Variants in TGFB2 observed in about 807,000 individuals in gnomAD.
TGFB2 encodes transforming growth factor beta-2 proprotein.
In TGFB2, 13 loss-of-function variants were observed where a neutral mutation model predicts 42.7. That is an observed-to-expected ratio of 0.30 (90% confidence interval 0.20 to 0.48). TGFB2 has a LOEUF of 0.48. TGFB2 is among the 20% of genes least tolerant of loss of function. The pLI is 0.99. For missense variants in TGFB2, 390 were observed against 517.5 expected (o/e 0.75, Z 2.39); for synonymous variants, 193 against 193.6 (o/e 1.00, Z 0.03).
At chr1:218,405,365 T>A (rs965095999) in intron 2 of TGFB2, 33 bp downstream of exon 2, 1 of 1,611,870 alleles carries the variant, frequency 6.2e-7, no homozygotes, top group Admixed American at 1.7e-5. Flanking sequence ...GTTGTTGTTG[T>A]TGTTGTTGTT....
intron 2 of TGFB2, among the ~76,000 whole-genome samples, chr1:218,428,177 G>A (rs1185187401): frequency 6.6e-6 from 1 of 152,072 alleles, no homozygotes; most frequent in South Asian, 2.1e-4. Flanking sequence ...TTTTTGATGG[G>A]GTTGTTTGAT....
rs561618783 is a variant in TGFB2, at chr1:218,374,017, T to G, written c.346+26970T>G. 4.2e-4 allele frequency among the ~76,000 whole-genome samples: 64 copies of G among 152,352 alleles called. 1 individual carries two copies. The highest frequency in any genetic ancestry group is 1.4e-3 in the African/African-American group (60 of 41,590). ...TCATTAGAAGAATGAAAATAGCTTCTTATGTGAATCTATATGGAGGATGAG... is the reference window on the plus strand; with the variant it reads ...TCATTAGAAGAATGAAAATAGCTTCGTATGTGAATCTATATGGAGGATGAG... On this transcript the variant is annotated intron_variant, in intron 1 of 6. Transcript: ENST00000366930.
intron 2 of TGFB2, among the ~76,000 whole-genome samples, chr1:218,406,554 C>T (rs1658917845): frequency 6.6e-6 from 1 of 151,970 alleles, no homozygotes; most frequent in Admixed American, 6.6e-5. Flanking sequence ...TGTAAACAGG[C>T]AACTTAAATA....
At chr1:218,427,482 C>G (rs890828854) in intron 2 of TGFB2, among the ~76,000 whole-genome samples, 1 of 152,154 alleles carries the variant, frequency 6.6e-6, no homozygotes, top group African/African-American at 2.4e-5. Context: ...TATCCCTCCC[C>G]TCTCCCCCCA....
chr1:218,375,347 AG>A (rs1350356107), intron 1 of TGFB2, among the ~76,000 whole-genome samples: 1 of 152,014 alleles, frequency 6.6e-6, no homozygotes, highest in Non-Finnish European at 1.5e-5. Flanking sequence ...ATTTGCATAC[AG>A]GGGACCTGGG....
rs544839084 is a variant in TGFB2, at chr1:218,409,209, C to T, written c.510+3877C>T. ...TCACCTCCTGCTGTGCGGCCCGGCT[C>T]CTGATGGGCCATGGACCTGTACCGT... is the stretch of plus-strand genomic sequence containing the variant. On this transcript the variant is annotated intron_variant, in intron 2 of 6. Coordinates refer to ENST00000366930, the MANE Select transcript of TGFB2 (RefSeq NM_003238.6). Among the ~76,000 whole-genome samples the T allele has an allele frequency of 3.9e-5, 6 of 152,294 alleles. No homozygotes were observed. In the East Asian group the frequency reaches 5.8e-4, roughly 15 times the overall value.
chr1:218,403,957 A>C (rs1658818073), intron 1 of TGFB2, among the ~76,000 whole-genome samples: 1 of 150,878 alleles, frequency 6.6e-6, no homozygotes, highest in Admixed American at 6.6e-5. Context: ...ATGCTTGATA[A>C]ATGAATATTG....
intron 2 of TGFB2, among the ~76,000 whole-genome samples, chr1:218,414,060 A>G (rs1659190328): frequency 6.6e-6 from 1 of 152,186 alleles, no homozygotes; most frequent in African/African-American, 2.4e-5. Flanking sequence ...TTTAAAATGC[A>G]CGTTCTTAAG....
chr1:218,363,286 C>T (rs768732572), intron 1 of TGFB2: 2 of 1,441,566 alleles, frequency 1.4e-6, no homozygotes, highest in South Asian at 2.3e-5. Flanking sequence ...CTGTGCCAGG[C>T]ATCTCTTCAG....
chr1:218,375,763 C>T (rs895524326), intron 1 of TGFB2, among the ~76,000 whole-genome samples: 15 of 151,900 alleles, frequency 9.9e-5, no homozygotes, highest in Admixed American at 2.0e-4. Context: ...TTTTAAAATA[C>T]GGGATATTGA....
intron 1 of TGFB2, among the ~76,000 whole-genome samples, chr1:218,397,762 A>G (rs1363083113): frequency 1.3e-5 from 2 of 152,308 alleles, no homozygotes; most frequent in East Asian, 1.9e-4. Flanking sequence ...ATCCACTGCA[A>G]TGAGCAGGAA....
At chr1:218,426,220 T>TC (rs1182560068) in intron 2 of TGFB2, among the ~76,000 whole-genome samples, 2 of 152,232 alleles carry the variant, frequency 1.3e-5, no homozygotes, top group Non-Finnish European at 2.9e-5. Context: ...AACATTGAAT[T>TC]CCCAATGCTT....
chr1:218,416,677 T>C (rs1659291905), intron 2 of TGFB2, among the ~76,000 whole-genome samples: 1 of 152,222 alleles, frequency 6.6e-6, no homozygotes, highest in African/African-American at 2.4e-5. Context: ...AGTGGCCTCC[T>C]GGTTGGTCCC....
chr1:218,435,886 C>A, intron 4 of TGFB2, 84 bp from the exon 5 acceptor site: 1 of 1,387,650 alleles, frequency 7.2e-7, no homozygotes, highest in Non-Finnish European at 9.8e-7. Context: ...CTATTTGTGA[C>A]AATATACAAA....
intron 1 of TGFB2, among the ~76,000 whole-genome samples, chr1:218,383,806 A>T (rs983419049): frequency 6.6e-6 from 1 of 152,264 alleles, no homozygotes. Context: ...AAAACTTTCC[A>T]TGAAAGGCAT....
At chr1:218,422,195 T>G (rs910424558) in intron 2 of TGFB2, among the ~76,000 whole-genome samples, 1 of 151,942 alleles carries the variant, frequency 6.6e-6, no homozygotes, top group Non-Finnish European at 1.5e-5. Context: ...TCTTTCTTTC[T>G]TCTTGTTTTT....
intron 6 of TGFB2, among the ~76,000 whole-genome samples, chr1:218,438,147 T>C (rs2102630842): frequency 1.3e-5 from 2 of 152,336 alleles, no homozygotes; most frequent in African/African-American, 4.8e-5. Context: ...GTTCCCAGCC[T>C]CTGGTAACCA....
At chr1:218,411,414 T>G (rs1298200255) in intron 2 of TGFB2, among the ~76,000 whole-genome samples, 1 of 152,154 alleles carries the variant, frequency 6.6e-6, no homozygotes. Context: ...GTGCCTATGC[T>G]TGGAACTTCA....
In TGFB2 at chr1:218,443,501, C is replaced by T. The variant is rs1194009036; in HGVS notation, c.*2139C>T. The T allele has an allele frequency of 1.3e-5, 2 of 152,188 alleles. No homozygotes were observed. The highest frequency in any genetic ancestry group is 2.9e-5 in the Non-Finnish European group (2 of 68,012). 9.4% of individuals were successfully genotyped at this position (152,188 alleles called of 1,614,324 possible). A position where few individuals can be genotyped will look rare whatever the true frequency, so the allele number is the denominator to read the frequency against. On this transcript the variant is annotated 3_prime_UTR_variant, in exon 7 of 7. Transcript: ENST00000366930. ...GATGGGATGCCATAATAGTAAACAG[C>T]CCTTGTGTTGGATGTAACCCAATCC...
Sources: gnomAD v4.1 joint callset for allele counts (sites outside exome capture counted in the v4.1 genomes callset) on GRCh38, gnomAD v4.1.1 for gene constraint, MANE v1.5 for transcripts, NCBI Gene and HGNC (gene_info 2026-07-23, HGNC 2026-07-21) for gene names.